SPATA31D4: variants seen among roughly 807,000 people sequenced by gnomAD.
The protein encoded by SPATA31D4 is SPATA31 subfamily D member 4.
For synonymous variants in SPATA31D4, 23 were observed against 102.8 expected (o/e 0.22, Z 4.70); for missense variants, 73 against 279.1 (o/e 0.26, Z 5.26).
chr9:81,933,106 A>G lies in SPATA31D4; in HGVS notation c.*191A>G, dbSNP rs1229636906. 1 of 1,295,060 alleles carries G rather than the reference A, an allele frequency of 7.7e-7. No individual in the cohort carries two copies. Among genetic ancestry groups the G allele is most frequent in the Non-Finnish European group, 1.1e-6 (1 of 904,528 alleles). The allele number at this position is 1,295,060 out of a possible 1,614,324, so 80.2% of individuals were successfully genotyped here. The stretch of plus-strand genomic sequence containing the variant: ...CTTTTCAAGGAGAAAAGTTGGGAAC[A>G]ACAAGCTCAGTCCCTGTCCTTAATC... On this transcript the variant is annotated 3_prime_UTR_variant, in exon 4 of 4. Transcript: ENST00000419782.
chr9:81,932,911 T>C lies in SPATA31D4; in HGVS notation c.2750T>C (p.Ile917Thr), dbSNP rs867919933. 5 of 1,495,618 alleles carry C rather than the reference T, an allele frequency of 3.3e-6. 1 individual carries two copies. Among genetic ancestry groups the C allele is most frequent in the South Asian group, 1.2e-5 (1 of 83,058 alleles). 92.6% of individuals were successfully genotyped at this position (1,495,618 alleles called of 1,614,324 possible). A position where few individuals can be genotyped will look rare whatever the true frequency, so the allele number is the denominator to read the frequency against. Residue 917 changes from isoleucine (I) to threonine (T), a missense_variant, in exon 4 of 4, where the codon ATA (isoleucine) becomes ACA (threonine). Ile to Thr is a moderately conservative substitution (Grantham distance 89, BLOSUM62 -1). Coordinates refer to ENST00000419782, the MANE Select transcript of SPATA31D4 (RefSeq NM_001145197.1). The stretch of plus-strand genomic sequence containing the variant: ...ATGAAGCCCATATTAAATCTTTCCA[T>C]ATGAGGATGCTGTGGGGCCTTCCCC... ...FHMKPILNLS[I>T]
rs1338549726 is a variant in SPATA31D4, at chr9:81,930,679, C to T, written c.518C>T (p.Pro173Leu). 5.6e-4 allele frequency: 2 copies of T among 3,600 alleles called. No homozygotes were observed. Among genetic ancestry groups the T allele is most frequent in the Non-Finnish European group, 4.3e-4 (1 of 2,342 alleles). The allele number at this position is 3,600 out of a possible 1,614,324, so 0.2% of individuals were successfully genotyped here. A position where few individuals can be genotyped will look rare whatever the true frequency, so the allele number is the denominator to read the frequency against. ...AESSFTLAST[P>L]SATTPEDLIL... ...TCATCGTTCACTCTGGCTTCCACCC[C>T]CTCAGCAACCACTCCAGAAGACCTA... The change falls in exon 4 of 4, where the codon CCC (proline) becomes CTC (leucine). Residue 173 changes from proline (P) to leucine (L), a missense_variant. Coordinates refer to ENST00000419782, the MANE Select transcript of SPATA31D4 (RefSeq NM_001145197.1).
At position 81,932,886 on chromosome 9, in the gene SPATA31D4, A is replaced by T; in HGVS notation, c.2725A>T (p.Met909Leu). The T allele has an allele frequency of 1.4e-6, 2 of 1,478,332 alleles. No homozygotes were observed. Among genetic ancestry groups the T allele is most frequent in the Non-Finnish European group, 1.8e-6 (2 of 1,093,262 alleles). 91.6% of individuals were successfully genotyped at this position (1,478,332 alleles called of 1,614,324 possible). A position where few individuals can be genotyped will look rare whatever the true frequency, so the allele number is the denominator to read the frequency against. Residue 909 changes from methionine (M) to leucine (L), a missense_variant, in exon 4 of 4, where the codon ATG (methionine) becomes TTG (leucine). Transcript: ENST00000419782. ...GGAAGCCCATATTAAATCTTTCCAT[A>T]TGAAGCCCATATTAAATCTTTCCAT... Reference protein sequence around the residue: ...MLEAHIKSFHMKPILNLSI With the variant: ...MLEAHIKSFHLKPILNLSI
chr9:81,932,790 G>T lies in SPATA31D4; in HGVS notation c.2629G>T (p.Val877Leu). 6.5e-7 allele frequency: 1 copy of T among 1,533,474 alleles called. No individual in the cohort carries two copies. The allele number at this position is 1,533,474 out of a possible 1,614,324, so 95.0% of individuals were successfully genotyped here. A position where few individuals can be genotyped will look rare whatever the true frequency, so the allele number is the denominator to read the frequency against. ...TAAACATCGAAATTTGGCAGCATTG[G>T]TGAGTGAGGACCACGGCGTTGATAC... ...QIKHRNLAAL[V>L]SEDHGVDTSQ... Residue 877 changes from valine to leucine, a missense_variant, in exon 4 of 4, where the codon GTG becomes TTG. Coordinates refer to ENST00000419782, the MANE Select transcript of SPATA31D4 (RefSeq NM_001145197.1).
Position 81,934,136 on chromosome 9 carries a change from G to A in SPATA31D4, c.*1221G>A, listed in dbSNP as rs1823820538. On this transcript the variant is annotated 3_prime_UTR_variant, in exon 4 of 4. Coordinates refer to ENST00000419782, the MANE Select transcript of SPATA31D4 (RefSeq NM_001145197.1). ...CAATGGAGGAGAGCTTGGTGGAGGG[G>A]ATGCAGGGTTGGGGACATCCCAACT... 4.8e-6 allele frequency: 2 copies of A among 420,296 alleles called. No homozygotes were observed. The highest frequency in any genetic ancestry group is 4.2e-5 in the East Asian group (1 of 23,836). 26.0% of individuals were successfully genotyped at this position (420,296 alleles called of 1,614,324 possible).
chr9:81,932,886 A>C lies in SPATA31D4; in HGVS notation c.2725A>C (p.Met909Leu). ...MLEAHIKSFH[M>L]KPILNLSI ...GGAAGCCCATATTAAATCTTTCCAT[A>C]TGAAGCCCATATTAAATCTTTCCAT... is the stretch of plus-strand genomic sequence containing the variant. Residue 909 changes from methionine (M) to leucine (L), a missense_variant, in exon 4 of 4, where the codon ATG becomes CTG. Coordinates refer to ENST00000419782, the MANE Select transcript of SPATA31D4 (RefSeq NM_001145197.1). The C allele has an allele frequency of 6.8e-7, 1 of 1,478,332 alleles. No homozygotes were observed. 91.6% of individuals were successfully genotyped at this position (1,478,332 alleles called of 1,614,324 possible).
chr9:81,934,735 G>A lies in SPATA31D4; in HGVS notation c.*1820G>A, dbSNP rs1011357668. The A allele has an allele frequency of 7.1e-6, 4 of 562,092 alleles. 1 individual carries two copies. The allele number at this position is 562,092 out of a possible 1,614,324, so 34.8% of individuals were successfully genotyped here. Reference sequence around the variant, plus strand: ...AGCCCCAGGAAGTTGAGGCATTTAAGGGGAAGATATTGTATCAAAGGCATC... The same window carrying A: ...AGCCCCAGGAAGTTGAGGCATTTAAAGGGAAGATATTGTATCAAAGGCATC... On this transcript the variant is annotated 3_prime_UTR_variant, in exon 4 of 4. Coordinates refer to ENST00000419782, the MANE Select transcript of SPATA31D4 (RefSeq NM_001145197.1).
Position 81,930,533 on chromosome 9 carries a change from C to A in SPATA31D4, c.372C>A (p.Asp124Glu). ...TCTTTCGTCGACTGTTATGCCCAGA[C>A]CCTGTCTGTCGGGTGTGTAACAGAG... ...TTLFRRLLCPDPVCRVCNRAT... is the reference protein window; with the variant it reads ...TTLFRRLLCPEPVCRVCNRAT... Residue 124 changes from aspartate (D) to glutamate (E), a missense_variant, in exon 4 of 4, where the codon GAC (aspartate) becomes GAA (glutamate). Asp to Glu is a conservative substitution (Grantham distance 45). Transcript: ENST00000419782. 7.6e-5 allele frequency: 1 copy of A among 13,102 alleles called. No individual in the cohort carries two copies. 0.8% of individuals were successfully genotyped at this position (13,102 alleles called of 1,614,324 possible).
chr9:81,932,843 C>T lies in SPATA31D4; in HGVS notation c.2682C>T (p.Ser894=). ...DTSQEMSFLS[S]NKQKMLEAHI... ...CCCAGGAGATGTCCTTCCTTAGTTC[C>T]AACAAACAAAAGATGTTGGAAGCCC... Residue 894 remains serine (S), a synonymous_variant, in exon 4 of 4, where the codon TCC becomes TCT. Coordinates refer to ENST00000419782, the MANE Select transcript of SPATA31D4 (RefSeq NM_001145197.1). 3 of 1,524,044 alleles carry T rather than the reference C, an allele frequency of 2.0e-6. 1 individual carries two copies. Among genetic ancestry groups the T allele is most frequent in the Non-Finnish European group, 2.7e-6 (3 of 1,114,136 alleles). The allele number at this position is 1,524,044 out of a possible 1,614,324, so 94.4% of individuals were successfully genotyped here.
Position 81,934,174 on chromosome 9 carries a change from C to T in SPATA31D4, c.*1259C>T, listed in dbSNP as rs1036591451. The T allele has an allele frequency of 2.6e-5, 10 of 386,110 alleles. No individual in the cohort carries two copies. Among genetic ancestry groups the T allele is most frequent in the Non-Finnish European group, 4.1e-5 (8 of 197,272 alleles). The allele number at this position is 386,110 out of a possible 1,614,324, so 23.9% of individuals were successfully genotyped here. A position where few individuals can be genotyped will look rare whatever the true frequency, so the allele number is the denominator to read the frequency against. On this transcript the variant is annotated 3_prime_UTR_variant, in exon 4 of 4. Coordinates refer to ENST00000419782, the MANE Select transcript of SPATA31D4 (RefSeq NM_001145197.1). ...GGACATCCCAACTCACTAGAAAGAG[C>T]CTCCCTGTTCATAACAAGGCATCAG... is the stretch of plus-strand genomic sequence containing the variant.
Position 81,933,160 on chromosome 9 carries a change from C to T in SPATA31D4, c.*245C>T. The T allele has an allele frequency of 1.5e-6, 1 of 681,868 alleles. No individual in the cohort carries two copies. Among genetic ancestry groups the T allele is most frequent in the Non-Finnish European group, 2.5e-6 (1 of 398,956 alleles). The allele number at this position is 681,868 out of a possible 1,614,324, so 42.2% of individuals were successfully genotyped here. A position where few individuals can be genotyped will look rare whatever the true frequency, so the allele number is the denominator to read the frequency against. On this transcript the variant is annotated 3_prime_UTR_variant, in exon 4 of 4. Coordinates refer to ENST00000419782, the MANE Select transcript of SPATA31D4 (RefSeq NM_001145197.1). ...CTCAGCCTGTCTCCTCACCTATTGG[C>T]AAAGAAGGGCAGGGGACCCTGAGAA...
In SPATA31D4 at chr9:81,933,105, C is replaced by G; in HGVS notation, c.*190C>G. The G allele has an allele frequency of 1.5e-6, 2 of 1,293,440 alleles. No homozygotes were observed. The highest frequency in any genetic ancestry group is 2.2e-6 in the Non-Finnish European group (2 of 903,194). 80.1% of individuals were successfully genotyped at this position (1,293,440 alleles called of 1,614,324 possible). A position where few individuals can be genotyped will look rare whatever the true frequency, so the allele number is the denominator to read the frequency against. ...ACTTTTCAAGGAGAAAAGTTGGGAA[C>G]AACAAGCTCAGTCCCTGTCCTTAAT... On this transcript the variant is annotated 3_prime_UTR_variant, in exon 4 of 4. Coordinates refer to ENST00000419782, the MANE Select transcript of SPATA31D4 (RefSeq NM_001145197.1).
Position 81,932,959 on chromosome 9 carries a change from A to C in SPATA31D4, c.*44A>C, listed in dbSNP as rs760122334. 1 of 1,512,474 alleles carries C rather than the reference A, an allele frequency of 6.6e-7. No homozygotes were observed. The highest frequency in any genetic ancestry group is 1.8e-5 in the Admixed American group (1 of 54,850). The allele number at this position is 1,512,474 out of a possible 1,614,324, so 93.7% of individuals were successfully genotyped here. A position where few individuals can be genotyped will look rare whatever the true frequency, so the allele number is the denominator to read the frequency against. On this transcript the variant is annotated 3_prime_UTR_variant, in exon 4 of 4. Coordinates refer to ENST00000419782, the MANE Select transcript of SPATA31D4 (RefSeq NM_001145197.1). Reference sequence around the variant, plus strand: ...CCCGCAAGATCCGTGAACCCATAGAAATCTTCAAATCAGAAGAGGATATTT... The same window carrying C: ...CCCGCAAGATCCGTGAACCCATAGACATCTTCAAATCAGAAGAGGATATTT...
At position 81,934,105 on chromosome 9, in the gene SPATA31D4, A is replaced by T. The variant is rs1282274211; in HGVS notation, c.*1190A>T. On this transcript the variant is annotated 3_prime_UTR_variant, in exon 4 of 4. Transcript: ENST00000419782. ...CAGCTACAAAGAGAGTGAGCCCTTT[A>T]AGACCCAATGGAGGAGAGCTTGGTG... is the stretch of plus-strand genomic sequence containing the variant. 3 of 420,182 alleles carry T rather than the reference A, an allele frequency of 7.1e-6. No homozygotes were observed. The highest frequency in any genetic ancestry group is 1.3e-5 in the Non-Finnish European group (3 of 224,504). The allele number at this position is 420,182 out of a possible 1,614,324, so 26.0% of individuals were successfully genotyped here. A position where few individuals can be genotyped will look rare whatever the true frequency, so the allele number is the denominator to read the frequency against.
At chr9:81,930,187 G>A (rs748810980) in intron 3 of SPATA31D4, 27 bp downstream of exon 3, 13 of 354,032 alleles carry the variant, frequency 3.7e-5, no homozygotes, top group Middle Eastern at 1.5e-3. Flanking sequence ...CTTCTATCCT[G>A]TTCCCACCGC....
At position 81,932,819 on chromosome 9, in the gene SPATA31D4, C is replaced by T; in HGVS notation, c.2658C>T (p.Ser886=). The change falls in exon 4 of 4, where the codon TCC becomes TCT. Residue 886 remains serine (S), a synonymous_variant. Coordinates refer to ENST00000419782, the MANE Select transcript of SPATA31D4 (RefSeq NM_001145197.1). ...LVSEDHGVDT[S]QEMSFLSSNK... The stretch of plus-strand genomic sequence containing the variant: ...GTGAGGACCACGGCGTTGATACCTC[C>T]CAGGAGATGTCCTTCCTTAGTTCCA... 8.5e-6 allele frequency: 13 copies of T among 1,532,852 alleles called. 3 individuals are homozygous for T. Among genetic ancestry groups the T allele is most frequent in the Non-Finnish European group, 1.2e-5 (13 of 1,118,492 alleles). 95.0% of individuals were successfully genotyped at this position (1,532,852 alleles called of 1,614,324 possible).
At position 81,934,127 on chromosome 9, in the gene SPATA31D4, G is replaced by C; in HGVS notation, c.*1212G>C. On this transcript the variant is annotated 3_prime_UTR_variant, in exon 4 of 4. Transcript: ENST00000419782. ...TTTAAGACCCAATGGAGGAGAGCTT[G>C]GTGGAGGGGATGCAGGGTTGGGGAC... 2.4e-6 allele frequency: 1 copy of C among 420,538 alleles called. No individual in the cohort carries two copies. Among genetic ancestry groups the C allele is most frequent in the Non-Finnish European group, 4.5e-6 (1 of 220,832 alleles). 26.1% of individuals were successfully genotyped at this position (420,538 alleles called of 1,614,324 possible). A position where few individuals can be genotyped will look rare whatever the true frequency, so the allele number is the denominator to read the frequency against.
Position 81,933,026 on chromosome 9 carries a change from T to C in SPATA31D4, c.*111T>C. ...TTTCTACCTTCCCTCCTCAGCCAGC[T>C]TTATTTCTCAGGGAGATTCCAAAGA... is the stretch of plus-strand genomic sequence containing the variant. On this transcript the variant is annotated 3_prime_UTR_variant, in exon 4 of 4. Coordinates refer to ENST00000419782, the MANE Select transcript of SPATA31D4 (RefSeq NM_001145197.1). 2 of 1,444,330 alleles carry C rather than the reference T, an allele frequency of 1.4e-6. No individual in the cohort carries two copies. Among genetic ancestry groups the C allele is most frequent in the Non-Finnish European group, 1.9e-6 (2 of 1,044,000 alleles). 89.5% of individuals were successfully genotyped at this position (1,444,330 alleles called of 1,614,324 possible).
At position 81,932,894 on chromosome 9, in the gene SPATA31D4, C is replaced by T; in HGVS notation, c.2733C>T (p.Pro911=). ...EAHIKSFHMK[P]ILNLSI ...ATATTAAATCTTTCCATATGAAGCC[C>T]ATATTAAATCTTTCCATATGAGGAT... The change falls in exon 4 of 4, where the codon CCC becomes CCT. Residue 911 remains proline (P), a synonymous_variant. Transcript: ENST00000419782. The T allele has an allele frequency of 2.0e-6, 3 of 1,481,724 alleles. No individual in the cohort carries two copies. The highest frequency in any genetic ancestry group is 2.7e-6 in the Non-Finnish European group (3 of 1,094,316). The allele number at this position is 1,481,724 out of a possible 1,614,324, so 91.8% of individuals were successfully genotyped here.
Sources: gnomAD v4.1 joint callset for allele counts on GRCh38, gnomAD v4.1.1 for gene constraint, MANE v1.5 for transcripts, NCBI Gene and HGNC (gene_info 2026-07-23, HGNC 2026-07-21) for gene names.